PSMD1: variants seen among roughly 807,000 people sequenced by gnomAD.
The protein encoded by PSMD1 is proteasome 26S subunit, non-ATPase 1, also known as 26S proteasome non-ATPase regulatory subunit 1.
In PSMD1, 18 loss-of-function variants were observed where a neutral mutation model predicts 119.0. That is an observed-to-expected ratio of 0.15 (90% CI 0.10 to 0.22). PSMD1 has a LOEUF of 0.22. Among genes scored for constraint, PSMD1 ranks in the 10% least tolerant of loss-of-function variants. The probability of loss-of-function intolerance (pLI) is 1.00; values close to 1 mark genes in which losing one functional copy is unlikely to be tolerated. For synonymous variants in PSMD1, 374 were observed against 396.6 expected, an observed-to-expected ratio of 0.94 and a Z score of 0.68; for missense variants, 702 against 1,158.5, an observed-to-expected ratio of 0.61 and a Z score of 5.72.
In PSMD1 at chr2:231,170,029, T is replaced by C. The variant is rs1473323412; in HGVS notation, c.2716-537T>C. ...AAATTGGCTTTTAATTTATACACTCTCGTGTTCAAAATGATTATCATCTCA... is the reference window on the plus strand; with the variant it reads ...AAATTGGCTTTTAATTTATACACTCCCGTGTTCAAAATGATTATCATCTCA... On this transcript the variant is annotated intron_variant, in intron 23 of 24. Transcript: ENST00000308696. The surrounding 1 kb of genome is among the most constrained non-coding windows in gnomAD (Gnocchi z 4.1). Among the ~76,000 whole-genome samples the C allele has an allele frequency of 2.0e-5, 3 of 152,204 alleles. No homozygotes were observed. Among genetic ancestry groups the C allele is most frequent in the Non-Finnish European group, 4.4e-5 (3 of 68,034 alleles).
At chr2:231,129,662 A>G (rs1421024590) in intron 16 of PSMD1, among the ~76,000 whole-genome samples, 4 of 152,216 alleles carry the variant, frequency 2.6e-5, no homozygotes, top group South Asian at 2.1e-4. Flanking sequence ...TGTATTCACT[A>G]TATACTAAAC....
At chr2:231,097,482 C>G (rs980541174) in intron 16 of PSMD1, among the ~76,000 whole-genome samples, 1 of 152,194 alleles carries the variant, frequency 6.6e-6, no homozygotes, top group Admixed American at 6.5e-5. Flanking sequence ...AACTCCTGCT[C>G]TTTCTGCTAA....
intron 17 of PSMD1, among the ~76,000 whole-genome samples, chr2:231,145,139 T>C (rs934715766): frequency 6.6e-6 from 1 of 152,116 alleles, no homozygotes; most frequent in African/African-American, 2.4e-5. Flanking sequence ...TGACTTAGAG[T>C]GACAGTAGAT....
At chr2:231,169,416 G>A (rs1002968022) in intron 23 of PSMD1, among the ~76,000 whole-genome samples, 7 of 152,182 alleles carry the variant, frequency 4.6e-5, no homozygotes, top group Admixed American at 1.3e-4. Context: ...AGTATTGGCA[G>A]TAAGGGCAGG....
At chr2:231,121,154 TCTA>T (rs1446338872) in intron 16 of PSMD1, among the ~76,000 whole-genome samples, 1 of 152,200 alleles carries the variant, frequency 6.6e-6, no homozygotes, top group Non-Finnish European at 1.5e-5. Flanking sequence ...TTTTTAAAAA[TCTA>T]CAAACCCCAC....
intron 16 of PSMD1, chr2:231,109,442 AT>A: frequency 6.3e-7 from 1 of 1,576,486 alleles, no homozygotes; most frequent in Non-Finnish European, 8.7e-7. Flanking sequence ...AAATTGAGTC[AT>A]TTTATGACCT....
intron 17 of PSMD1, among the ~76,000 whole-genome samples, chr2:231,144,221 C>T (rs980464360): frequency 2.6e-4 from 39 of 150,836 alleles, no homozygotes; most frequent in African/African-American, 9.0e-4. Flanking sequence ...CGCACCCAAC[C>T]TTACGCTAAT....
Position 231,113,836 on chromosome 2 carries a change from A to G in PSMD1, c.1884-24900A>G, listed in dbSNP as rs1222672694. The G allele has an allele frequency of 1.2e-6, 2 of 1,614,184 alleles. No individual in the cohort carries two copies. The highest frequency in any genetic ancestry group is 1.7e-6 in the Non-Finnish European group (2 of 1,179,998). On this transcript the variant is annotated intron_variant, in intron 16 of 24. Coordinates refer to ENST00000308696, the MANE Select transcript of PSMD1 (RefSeq NM_002807.4). ...GATGGCTATGTAACGATCCACTGAAATGGCACAGAGATGCATGATGGATGC... is the reference window on the plus strand; with the variant it reads ...GATGGCTATGTAACGATCCACTGAAGTGGCACAGAGATGCATGATGGATGC...
At chr2:231,096,327 C>T (rs563779378) in intron 16 of PSMD1, among the ~76,000 whole-genome samples, 6 of 151,986 alleles carry the variant, frequency 3.9e-5, no homozygotes, top group African/African-American at 1.5e-4. Flanking sequence ...TTATTTTTTT[C>T]TGTTAATGGC....
intron 16 of PSMD1, among the ~76,000 whole-genome samples, chr2:231,125,583 G>GA (rs1459233709): frequency 5.3e-5 from 8 of 152,198 alleles, no homozygotes; most frequent in Admixed American, 4.6e-4. Context: ...GGTTTTAGCA[G>GA]AAACTTTTTT....
chr2:231,087,200 T>C lies in PSMD1; in HGVS notation c.1883+19T>C, dbSNP rs761195833. 2 of 1,600,252 alleles carry C rather than the reference T, an allele frequency of 1.2e-6. No individual in the cohort carries two copies. The highest frequency in any genetic ancestry group is 1.1e-5 in the South Asian group (1 of 90,400). ...TATTCAGGTAATAACTTCAAACTTC[T>C]TATTCTATTTATATTTCATTTTTTT... On this transcript the variant is annotated intron_variant, in intron 16 of 24. Transcript: ENST00000308696.
At chr2:231,143,160 C>G (rs1346558316) in intron 17 of PSMD1, among the ~76,000 whole-genome samples, 1 of 151,134 alleles carries the variant, frequency 6.6e-6, no homozygotes, top group South Asian at 2.1e-4. Context: ...TAACTCTAAT[C>G]TCAATGACAG....
At chr2:231,133,225 C>T (rs1228772431) in intron 16 of PSMD1, among the ~76,000 whole-genome samples, 3 of 152,148 alleles carry the variant, frequency 2.0e-5, no homozygotes, top group Admixed American at 6.5e-5. Flanking sequence ...GCTGAGACCA[C>T]AGATGCGCGC....
chr2:231,172,753 GGACAA>G lies in PSMD1; in HGVS notation c.*233_*237del, dbSNP rs1428247222. The G allele has an allele frequency of 1.3e-5, 2 of 152,106 alleles. No homozygotes were observed. The highest frequency in any genetic ancestry group is 1.3e-4 in the Admixed American group (2 of 15,260). The allele number at this position is 152,106 out of a possible 1,614,324, so 9.4% of individuals were successfully genotyped here. The stretch of plus-strand genomic sequence containing the variant: ...TCAAATAAATATAAGATCTCCAGAT[GGACAA>G]GACATTTGTTTTTCAGCCTGGGTTT... On this transcript the variant is annotated 3_prime_UTR_variant, in exon 25 of 25. Coordinates refer to ENST00000308696, the MANE Select transcript of PSMD1 (RefSeq NM_002807.4).
In PSMD1 at chr2:231,107,528, A is replaced by C. The variant is rs2125200803; in HGVS notation, c.1883+20347A>C. Among the ~76,000 whole-genome samples the C allele has an allele frequency of 1.3e-5, 2 of 152,350 alleles. 1 individual carries two copies. Among genetic ancestry groups the C allele is most frequent in the Middle Eastern group, 6.8e-3 (2 of 294 alleles). On this transcript the variant is annotated intron_variant, in intron 16 of 24. Coordinates refer to ENST00000308696, the MANE Select transcript of PSMD1 (RefSeq NM_002807.4). ...TGCCTTCTATGTACTCATCCTCATAAGAATTGTATAAAATGCAGATGAGAA... is the reference window on the plus strand; with the variant it reads ...TGCCTTCTATGTACTCATCCTCATACGAATTGTATAAAATGCAGATGAGAA...
chr2:231,130,338 C>T (rs1382982037), intron 16 of PSMD1, among the ~76,000 whole-genome samples: 3 of 152,206 alleles, frequency 2.0e-5, no homozygotes, highest in African/African-American at 7.2e-5. Context: ...ATAGGTAACA[C>T]ATTCTATGCT....
Position 231,170,453 on chromosome 2 carries a change from C to A in PSMD1, c.2716-113C>A. The A allele has an allele frequency of 8.5e-7, 1 of 1,178,184 alleles. No homozygotes were observed. The allele number at this position is 1,178,184 out of a possible 1,614,324, so 73.0% of individuals were successfully genotyped here. A position where few individuals can be genotyped will look rare whatever the true frequency, so the allele number is the denominator to read the frequency against. ...CCAGTAAAGTTCTACTCCAGTTTTT[C>A]ACTTCCAAATCATTTAAGTAGTTTT... On this transcript the variant is annotated intron_variant, in intron 23 of 24. Coordinates refer to ENST00000308696, the MANE Select transcript of PSMD1 (RefSeq NM_002807.4). This position sits in a 1 kb window ranked among gnomAD's most constrained non-coding sequence, Gnocchi z 4.1.
intron 10 of PSMD1, among the ~76,000 whole-genome samples, chr2:231,079,056 A>G (rs1694243841): frequency 6.6e-6 from 1 of 151,996 alleles, no homozygotes; most frequent in Admixed American, 6.6e-5. Flanking sequence ...CGGCCTCCCA[A>G]AGTGCCAGGA....
In PSMD1 at chr2:231,087,161, A is replaced by G; in HGVS notation, c.1863A>G (p.Ser621=). The G allele has an allele frequency of 2.5e-6, 4 of 1,613,650 alleles. No individual in the cohort carries two copies. The highest frequency in any genetic ancestry group is 3.4e-6 in the Non-Finnish European group (4 of 1,179,758). The change falls in exon 16 of 25, where the codon TCA becomes TCG. Residue 621 remains serine, a synonymous_variant. Coordinates refer to ENST00000308696, the MANE Select transcript of PSMD1 (RefSeq NM_002807.4). ...ATGTCAGGAGGGCAGCAGTAGAATC[A>G]CTTGGGTTCATTCTATTCAGGTAAT... ...NDDVRRAAVE[S]LGFILFRTPE... is the part of the protein sequence containing the mutation.
Sources: allele counts gnomAD v4.1 joint callset (sites outside exome capture counted in the v4.1 genomes callset), GRCh38; gene constraint gnomAD v4.1.1; non-coding constraint Gnocchi (gnomAD v3.1); transcripts MANE v1.5; gene names NCBI Gene and HGNC (gene_info 2026-07-23, HGNC 2026-07-21).